The following CELF2 variants were observed in gnomAD, a reference collection of about 807,000 sequenced individuals.
CELF2 encodes CUGBP Elav-like family member 2, also known as CUG triplet repeat RNA-binding protein 2.
In CELF2, 8 loss-of-function variants were observed where a neutral mutation model predicts 62.6. The observed-to-expected ratio is 0.13, with a 90% CI of 0.07 to 0.23. The LOEUF is 0.23. CELF2 is among the 10% of genes least tolerant of loss of function. CELF2 has a pLI of 1.00. For synonymous variants in CELF2, 258 were observed against 250.0 expected, an observed-to-expected ratio of 1.03 and a Z score of -0.30; for missense variants, 333 against 671.0, an observed-to-expected ratio of 0.50 and a Z score of 5.56.
the CELF2 span, among the ~76,000 whole-genome samples, chr10:10,760,845 G>A: frequency 6.6e-6 from 1 of 152,242 alleles, no homozygotes; most frequent in Admixed American, 6.5e-5. Flanking sequence ...AGGGCTCAGG[G>A]AAGGAGAGAG....
chr10:10,918,481 C>T lies in CELF2; in HGVS notation c.54-1483C>T, dbSNP rs140761857. Among the ~76,000 whole-genome samples, 1,218 of 152,272 alleles carry T rather than the reference C, an allele frequency of 8.0e-3. 3 individuals are homozygous for T. Among genetic ancestry groups the T allele is most frequent in the African/African-American group, 9.2e-3 (384 of 41,554 alleles). ...AAAGAATATTTTTATAGAAACTAAACTTATTCATTTACTAAGGAAGTATGG... is the reference window on the plus strand; with the variant it reads ...AAAGAATATTTTTATAGAAACTAAATTTATTCATTTACTAAGGAAGTATGG... On this transcript the variant is annotated intron_variant, in intron 1 of 13. Transcript: ENST00000636488.
chr10:10,479,512 C>A, the CELF2 span, among the ~76,000 whole-genome samples: 86,313 of 151,934 alleles, frequency 0.57, 24,638 homozygotes, highest in Admixed American at 0.65. Flanking sequence ...GATGGAAACG[C>A]GATAAGTATC....
intron 9 of CELF2, among the ~76,000 whole-genome samples, chr10:11,295,633 G>A (rs1380239593): frequency 6.6e-6 from 1 of 152,194 alleles, no homozygotes; most frequent in Non-Finnish European, 1.5e-5. Flanking sequence ...AAGCGAGAGG[G>A]TTTAGCCCTT....
At chr10:11,187,579 C>CCA (rs111867624) in intron 2 of CELF2, among the ~76,000 whole-genome samples, 8 of 151,448 alleles carry the variant, frequency 5.3e-5, no homozygotes, top group East Asian at 1.9e-4. Flanking sequence ...GGTCGCCCCC[C>CCA]CCCCAACCTG....
intron 11 of CELF2, among the ~76,000 whole-genome samples, chr10:11,322,645 T>G (rs998080925): frequency 9.9e-5 from 15 of 151,940 alleles, no homozygotes; most frequent in South Asian, 2.1e-4. Context: ...ATGGTTTTTT[T>G]TTTTTTTTTA....
the CELF2 span, among the ~76,000 whole-genome samples, chr10:10,715,183 A>G: frequency 1.3e-5 from 2 of 152,192 alleles, no homozygotes; most frequent in East Asian, 3.9e-4. Context: ...TTAAAGCACA[A>G]AACCGTGATA....
the CELF2 span, among the ~76,000 whole-genome samples, chr10:10,659,188 G>A: frequency 1.1e-4 from 17 of 152,082 alleles, no homozygotes; most frequent in African/African-American, 3.4e-4. Context: ...TTCTTGATCC[G>A]ACTAATCCCT....
intron 3 of CELF2, among the ~76,000 whole-genome samples, chr10:11,236,772 G>A (rs1314374436): frequency 2.0e-5 from 3 of 152,212 alleles, no homozygotes; most frequent in Middle Eastern, 6.3e-3. Context: ...TATAATAAAT[G>A]TAGAACAGTT....
At chr10:10,549,199 T>C in the CELF2 span, among the ~76,000 whole-genome samples, 1 of 152,212 alleles carries the variant, frequency 6.6e-6, no homozygotes, top group Non-Finnish European at 1.5e-5. Flanking sequence ...ATAGGCTGGA[T>C]GGCTTAAACC....
chr10:11,214,661 C>T lies in CELF2; in HGVS notation c.272-2764C>T, dbSNP rs1301605443. ...TCAGCTCTTGGGTCGGACAGATGAA[C>T]GGTAAGGCACATTAGCAGTGTTACC... On this transcript the variant is annotated intron_variant, in intron 2 of 12. Coordinates refer to ENST00000633077, the MANE Select transcript of CELF2 (RefSeq NM_001326342.2). The surrounding 1 kb of genome is among the most constrained non-coding windows in gnomAD (Gnocchi z 4.2). 4.6e-5 allele frequency among the ~76,000 whole-genome samples: 7 copies of T among 152,164 alleles called. No homozygotes were observed. Among genetic ancestry groups the T allele is most frequent in the Non-Finnish European group, 7.3e-5 (5 of 68,028 alleles).
Position 11,007,943 on chromosome 10 carries a change from T to C in CELF2, c.53+2503T>C, listed in dbSNP as rs566942289. Among the ~76,000 whole-genome samples, 6 of 152,306 alleles carry C rather than the reference T, an allele frequency of 3.9e-5. No homozygotes were observed. In the South Asian group the frequency reaches 1.0e-3, roughly 26 times the overall value. ...TAGGTACGGAAACGAGGTAACTCTC[T>C]TCTCACTTTGTTTGCTTTTCCGGTG... On this transcript the variant is annotated intron_variant, in intron 1 of 12. Coordinates refer to the CELF2 transcript ENST00000416382.
the CELF2 span, among the ~76,000 whole-genome samples, chr10:10,787,467 T>C: frequency 4.6e-5 from 7 of 152,236 alleles, no homozygotes; most frequent in African/African-American, 1.2e-4. Context: ...ACTCAAGCTT[T>C]TTCTCTCCGG....
chr10:10,531,966 G>A, the CELF2 span, among the ~76,000 whole-genome samples: 2 of 152,116 alleles, frequency 1.3e-5, no homozygotes, highest in African/African-American at 2.4e-5. Context: ...TCTACCTTAC[G>A]AGAAAAACAA....
In CELF2 at chr10:11,324,487, A is replaced by G. The variant is rs2095621905; in HGVS notation, c.1295-1349A>G. Among the ~76,000 whole-genome samples the G allele has an allele frequency of 6.6e-6, 1 of 152,230 alleles. No individual in the cohort carries two copies. The highest frequency in any genetic ancestry group is 2.4e-5 in the African/African-American group (1 of 41,458). ...CCCCCTGCAATTGTGTCCCTTTAAA[A>G]TAGACTCCTTCCCATGCCCTAGAAT... On this transcript the variant is annotated intron_variant, in intron 11 of 12. Coordinates refer to ENST00000633077, the MANE Select transcript of CELF2 (RefSeq NM_001326342.2). The surrounding 1 kb of genome is among the most constrained non-coding windows in gnomAD (Gnocchi z 4.7).
Position 11,300,812 on chromosome 10 carries a change from A to G in CELF2, c.976+12260A>G, listed in dbSNP as rs12240798. 0.023 allele frequency among the ~76,000 whole-genome samples: 3,521 copies of G among 152,266 alleles called. 131 individuals carry two copies. The highest frequency in any genetic ancestry group is 0.081 in the African/African-American group (3,350 of 41,512). On this transcript the variant is annotated intron_variant, in intron 9 of 12. Transcript: ENST00000633077. This position sits in a 1 kb window ranked among gnomAD's most constrained non-coding sequence, Gnocchi z 5.5. ...CCAGTGTCCTGAGTATGTTTGGTCA[A>G]TGCAGGCGATTTTCTCCGTGTTTAC...
chr10:11,319,122 G>A lies in CELF2; in HGVS notation c.1097-2067G>A, dbSNP rs1041685196. On this transcript the variant is annotated intron_variant, in intron 10 of 12. Coordinates refer to ENST00000633077, the MANE Select transcript of CELF2 (RefSeq NM_001326342.2). The surrounding 1 kb of genome is among the most constrained non-coding windows in gnomAD (Gnocchi z 4.4). ...AGCGGCGAGTCGCCGCTCCTCTCCC[G>A]CCAGAATTTCCTCCACACGGGCATC... 30 of 469,894 alleles carry A rather than the reference G, an allele frequency of 6.4e-5. No homozygotes were observed. In the East Asian group the frequency reaches 1.1e-3, roughly 17 times the overall value. The allele number at this position is 469,894 out of a possible 1,614,324, so 29.1% of individuals were successfully genotyped here.
the CELF2 span, among the ~76,000 whole-genome samples, chr10:10,660,441 T>C: frequency 2.0e-5 from 3 of 152,236 alleles, no homozygotes; most frequent in Non-Finnish European, 4.4e-5. Flanking sequence ...GGCTTACTGA[T>C]GCTGTGGGTG....
intron 1 of CELF2, among the ~76,000 whole-genome samples, chr10:10,848,843 A>T (rs2059184191): frequency 6.6e-6 from 1 of 152,092 alleles, no homozygotes; most frequent in Non-Finnish European, 1.5e-5. Flanking sequence ...CTGCTAGTGG[A>T]TGCCGCCATG....
chr10:10,708,304 G>T, the CELF2 span, among the ~76,000 whole-genome samples: 1 of 152,164 alleles, frequency 6.6e-6, no homozygotes, highest in African/African-American at 2.4e-5. Flanking sequence ...TTACAGAAGA[G>T]GAAATTGAGA....
Sources: gnomAD v4.1 joint callset for allele counts (sites outside exome capture counted in the v4.1 genomes callset) on GRCh38, gnomAD v4.1.1 for gene constraint, Gnocchi (gnomAD v3.1) non-coding constraint, MANE v1.5 for transcripts, NCBI Gene and HGNC (gene_info 2026-07-23, HGNC 2026-07-21) for gene names.